The following NINL variants were observed in gnomAD, a reference collection of about 807,000 sequenced individuals.
NINL encodes ninein like.
NINL carries 153 observed loss-of-function variants against 160.3 expected under a neutral mutation model. The ratio of observed to expected loss-of-function variants is 0.95; its 90% confidence interval spans 0.84 to 1.09. The LOEUF (loss-of-function observed/expected upper bound fraction) is 1.09, where lower values mean the gene tolerates loss of function less well. Among genes scored for constraint, NINL ranks in the 50% least tolerant of loss-of-function variants. The pLI, the probability that NINL is intolerant of heterozygous loss-of-function variation, is 0.00. For synonymous variants in NINL, 800 were observed against 734.8 expected (o/e 1.09, Z -1.43); for missense variants, 1,829 against 1,764.0 (o/e 1.04, Z -0.66).
At chr20:25,567,315 A>G (rs2065008221) in intron 1 of NINL, among the ~76,000 whole-genome samples, 1 of 152,228 alleles carries the variant, frequency 6.6e-6, no homozygotes, top group Non-Finnish European at 1.5e-5. Context: ...TAACACATGC[A>G]TAATGGGAAC....
intron 4 of NINL, 50 bp from the exon 5 acceptor site, chr20:25,510,790 G>C: frequency 7.2e-7 from 1 of 1,388,080 alleles, no homozygotes; most frequent in Non-Finnish European, 1.0e-6. Flanking sequence ...GGTGCTGCTG[G>C]GGACGGAGCA....
chr20:25,567,851 G>A (rs1414878183), intron 1 of NINL, among the ~76,000 whole-genome samples: 1 of 151,786 alleles, frequency 6.6e-6, no homozygotes, highest in Admixed American at 6.6e-5. Flanking sequence ...GGTCAAAGAG[G>A]ACATTGCAAG....
intron 19 of NINL, among the ~76,000 whole-genome samples, chr20:25,466,249 T>C (rs1343222704): frequency 1.3e-5 from 2 of 151,964 alleles, no homozygotes; most frequent in African/African-American, 4.8e-5. Context: ...CTTGAACTCC[T>C]GGGCTCAAGT....
intron 2 of NINL, among the ~76,000 whole-genome samples, chr20:25,523,165 GA>G (rs1458641384): frequency 6.6e-6 from 1 of 151,956 alleles, no homozygotes; most frequent in African/African-American, 2.4e-5. Flanking sequence ...ATAGTGAGAA[GA>G]AAAAGGTCCA....
chr20:25,575,820 G>T (rs948408430), intron 1 of NINL, among the ~76,000 whole-genome samples: 1 of 151,098 alleles, frequency 6.6e-6, no homozygotes, highest in Non-Finnish European at 1.5e-5. Flanking sequence ...CCCTCACTCG[G>T]CTGGCTTCAC....
intron 22 of NINL, among the ~76,000 whole-genome samples, chr20:25,456,702 G>A (rs142692675): frequency 0.012 from 1,768 of 152,238 alleles, 21 homozygotes; most frequent in Non-Finnish European, 0.019. Context: ...AGGCCAAGGC[G>A]GGTAGATCAC....
intron 16 of NINL, 103 bp from the exon 17 acceptor site, chr20:25,477,192 G>A: frequency 8.8e-7 from 1 of 1,140,470 alleles, no homozygotes. Flanking sequence ...CCTCCTCTCT[G>A]TGGTTGGCTT....
intron 10 of NINL, among the ~76,000 whole-genome samples, chr20:25,493,719 T>C (rs1028895094): frequency 1.3e-5 from 2 of 151,894 alleles, no homozygotes; most frequent in African/African-American, 2.4e-5. Context: ...TGGCCCAGAA[T>C]AGTTCAGCTG....
intron 1 of NINL, among the ~76,000 whole-genome samples, chr20:25,568,932 A>AT (rs1473663982): frequency 6.7e-6 from 1 of 149,500 alleles, no homozygotes; most frequent in African/African-American, 2.5e-5. Flanking sequence ...TCTCTACAAA[A>AT]TATTTTTTTT....
intron 1 of NINL, among the ~76,000 whole-genome samples, chr20:25,535,768 T>C (rs1010869003): frequency 3.9e-5 from 6 of 152,186 alleles, no homozygotes; most frequent in African/African-American, 1.4e-4. Flanking sequence ...TCTGTTCTCC[T>C]ACAGCACTTT....
At chr20:25,575,686 G>T (rs567816547) in intron 1 of NINL, among the ~76,000 whole-genome samples, 124 of 151,986 alleles carry the variant, frequency 8.2e-4, no homozygotes, top group Admixed American at 3.9e-3. Context: ...AGGAGGCAAA[G>T]GTTGCAGTGA....
intron 17 of NINL, among the ~76,000 whole-genome samples, chr20:25,473,582 G>A (rs1019224188): frequency 3.2e-4 from 48 of 151,972 alleles, no homozygotes; most frequent in African/African-American, 1.1e-3. Context: ...CCAGCACTTT[G>A]TGAGGATGAG....
Position 25,480,185 on chromosome 20 carries a change from G to T in NINL, c.1893C>A (p.Asp631Glu), listed in dbSNP as rs1281619034. ...CCTTGGTCTCCAGCTGGGTCCTGAGGTCTTGGTAATGCTCCTTTACCTGCT... is the reference window on the plus strand; with the variant it reads ...CCTTGGTCTCCAGCTGGGTCCTGAGTTCTTGGTAATGCTCCTTTACCTGCT... ...MMEQVKEHYQ[D>E]LRTQLETKVN... The change falls in exon 15 of 24, where the codon GAC becomes GAA. Residue 631 changes from aspartate (D) to glutamate (E), a missense_variant. Transcript: ENST00000278886. 1 of 1,613,832 alleles carries T rather than the reference G, an allele frequency of 6.2e-7. No individual in the cohort carries two copies. The highest frequency in any genetic ancestry group is 8.5e-7 in the Non-Finnish European group (1 of 1,179,942).
At chr20:25,568,309 G>A (rs2065017170) in intron 1 of NINL, among the ~76,000 whole-genome samples, 1 of 150,848 alleles carries the variant, frequency 6.6e-6, no homozygotes, top group South Asian at 2.1e-4. Flanking sequence ...AGGCATAATA[G>A]GATAATAAAC....
intron 3 of NINL, among the ~76,000 whole-genome samples, chr20:25,513,652 C>T (rs2064114802): frequency 6.6e-6 from 1 of 152,182 alleles, no homozygotes; most frequent in African/African-American, 2.4e-5. Flanking sequence ...GGAGGAGGGG[C>T]CTGGTGGGAG....
chr20:25,562,072 G>A (rs1263383033), intron 1 of NINL, among the ~76,000 whole-genome samples: 15 of 146,930 alleles, frequency 1.0e-4, no homozygotes, highest in African/African-American at 3.8e-4. Flanking sequence ...CGGGAGGCAG[G>A]TGGGGGGGTC....
rs562664001 is a variant in NINL, at chr20:25,548,630, C to T, written c.-11-22032G>A. On this transcript the variant is annotated intron_variant, in intron 1 of 23. Transcript: ENST00000278886. ...CTGACCCCGAGCACCTACGGCCACA[C>T]GTCCCACACCCAGCCTCACCTAGGG... Among the ~76,000 whole-genome samples, 1,068 of 148,508 alleles carry T rather than the reference C, an allele frequency of 7.2e-3. 10 individuals are homozygous for T. Among genetic ancestry groups the T allele is most frequent in the Non-Finnish European group, 0.012 (801 of 66,968 alleles).
chr20:25,583,643 TA>T (rs1275991977), intron 1 of NINL, among the ~76,000 whole-genome samples: 1 of 152,242 alleles, frequency 6.6e-6, no homozygotes, highest in Admixed American at 6.5e-5. Context: ...CAAAGGACTA[TA>T]AATCATTCTA....
chr20:25,518,433 C>A (rs932145036), intron 2 of NINL, among the ~76,000 whole-genome samples: 5 of 152,208 alleles, frequency 3.3e-5, no homozygotes, highest in Admixed American at 1.3e-4. Flanking sequence ...AATGCTCACA[C>A]TCTTTAATAC....
Sources: gnomAD v4.1 joint callset for allele counts (sites outside exome capture counted in the v4.1 genomes callset) on GRCh38, gnomAD v4.1.1 for gene constraint, MANE v1.5 for transcripts, NCBI Gene and HGNC (gene_info 2026-07-23, HGNC 2026-07-21) for gene names.